AKR1D1: variants seen among roughly 807,000 people sequenced by gnomAD.
The protein encoded by AKR1D1 is delta(4)-3-ketosteroid 5-beta-reductase.
A neutral mutation model predicts 42.6 loss-of-function variants in AKR1D1; 32 were observed. The ratio of observed to expected loss-of-function variants is 0.75; its 90% confidence interval spans 0.57 to 1.01. The LOEUF is 1.01. Among genes scored for constraint, AKR1D1 ranks in the 50% least tolerant of loss-of-function variants. AKR1D1 has a pLI of 0.00. For synonymous variants in AKR1D1, 123 were observed against 135.5 expected, an observed-to-expected ratio of 0.91 and a Z score of 0.64; for missense variants, 364 against 402.2, an observed-to-expected ratio of 0.91 and a Z score of 0.81.
At chr7:138,106,829 T>C (rs1184070000) in intron 6 of AKR1D1, 112 bp downstream of exon 6, 1 of 792,918 alleles carries the variant, frequency 1.3e-6, no homozygotes, top group Non-Finnish European at 2.2e-6. Flanking sequence ...CTTCAAGTCA[T>C]TATCTGTATA....
intron 3 of AKR1D1, among the ~76,000 whole-genome samples, chr7:138,095,135 T>C (rs957416282): frequency 1.3e-5 from 2 of 152,170 alleles, no homozygotes; most frequent in Admixed American, 1.3e-4. Context: ...CCTAGAGGTA[T>C]CTAATGTGGG....
Position 138,076,510 on chromosome 7 carries a change from T to C in AKR1D1, c.-9T>C, listed in dbSNP as rs776453053. On this transcript the variant is annotated 5_prime_UTR_variant, in exon 1 of 9. Transcript: ENST00000242375. ...GTTCAGAATCACTCCTACAGTCAGG[T>C]TCTCCACAATGGATCTCAGTGCTGC... The C allele has an allele frequency of 6.2e-7, 1 of 1,611,814 alleles. No homozygotes were observed. The highest frequency in any genetic ancestry group is 1.1e-5 in the South Asian group (1 of 91,020).
At chr7:138,095,780 C>A (rs1331891340) in intron 3 of AKR1D1, among the ~76,000 whole-genome samples, 1 of 150,760 alleles carries the variant, frequency 6.6e-6, no homozygotes, top group African/African-American at 2.4e-5. Flanking sequence ...CCCACCTTGG[C>A]CTCCCAAAAT....
rs146490110 is a variant in AKR1D1 at position 138,117,410 on chromosome 7, C to G, written c.*748C>G. The G allele has an allele frequency of 3.3e-5, 5 of 152,532 alleles. No individual in the cohort carries two copies. Among genetic ancestry groups the G allele is most frequent in the South Asian group, 2.1e-4 (1 of 4,824 alleles). 9.4% of individuals were successfully genotyped at this position (152,532 alleles called of 1,614,324 possible). The stretch of plus-strand genomic sequence containing the variant: ...TACATTGATTATAGAACCACTATTA[C>G]GTGAAAAGGCTTGAAACAACCAACA... On this transcript the variant is annotated 3_prime_UTR_variant, in exon 9 of 9. Transcript: ENST00000242375.
Position 138,106,866 on chromosome 7 carries a change from C to G in AKR1D1, c.689+149C>G, listed in dbSNP as rs945366883. The stretch of plus-strand genomic sequence containing the variant: ...ATGAATTAGAACTTTTCATACTTTC[C>G]TGACTGAGCTGTTGTAAAATTGATT... On this transcript the variant is annotated intron_variant, in intron 6 of 8. Coordinates refer to ENST00000242375, the MANE Select transcript of AKR1D1 (RefSeq NM_005989.4). The G allele has an allele frequency of 4.2e-6, 3 of 708,456 alleles. No individual in the cohort carries two copies. The African/African-American group carries it at 5.3e-5, about 12-fold the overall frequency. The allele number at this position is 708,456 out of a possible 1,614,324, so 43.9% of individuals were successfully genotyped here.
At position 138,106,767 on chromosome 7, in the gene AKR1D1, A is replaced by G. The variant is rs1794443351; in HGVS notation, c.689+50A>G. The G allele has an allele frequency of 9.5e-6, 13 of 1,371,006 alleles. No homozygotes were observed. In the East Asian group the frequency reaches 2.5e-4, roughly 27 times the overall value. The allele number at this position is 1,371,006 out of a possible 1,614,324, so 84.9% of individuals were successfully genotyped here. On this transcript the variant is annotated intron_variant, in intron 6 of 8. Coordinates refer to ENST00000242375, the MANE Select transcript of AKR1D1 (RefSeq NM_005989.4). Reference sequence around the variant, plus strand: ...TCCTTTGGTGTAGAGTGTGAGGCTCATGTGAACTACTGTATTTGATTGGAA... The same window carrying G: ...TCCTTTGGTGTAGAGTGTGAGGCTCGTGTGAACTACTGTATTTGATTGGAA...
chr7:138,104,697 A>AT (rs1554392729), intron 4 of AKR1D1, among the ~76,000 whole-genome samples: 4 of 151,222 alleles, frequency 2.6e-5, no homozygotes, highest in Non-Finnish European at 3.0e-5. Flanking sequence ...AAAAAAAAAA[A>AT]AGTGCCCAGG....
chr7:138,105,535 A>G, intron 5 of AKR1D1, 106 bp downstream of exon 5: 2 of 1,496,786 alleles, frequency 1.3e-6, no homozygotes, highest in South Asian at 2.3e-5. Context: ...TGCTCCACCT[A>G]AATCTCATCA....
chr7:138,092,150 G>T (rs1427019883), intron 3 of AKR1D1, among the ~76,000 whole-genome samples: 2 of 152,206 alleles, frequency 1.3e-5, no homozygotes, highest in Non-Finnish European at 2.9e-5. Flanking sequence ...TACCCGAGAA[G>T]ATTATGTTAG....
At chr7:138,113,607 C>T in intron 7 of AKR1D1, 83 bp from the exon 8 acceptor site, 2 of 1,152,732 alleles carry the variant, frequency 1.7e-6, no homozygotes, top group South Asian at 1.3e-5. Context: ...ATTCATACAT[C>T]TTTGGAAGGC....
chr7:138,080,559 T>C (rs1044649880), intron 1 of AKR1D1, among the ~76,000 whole-genome samples: 2 of 152,230 alleles, frequency 1.3e-5, no homozygotes, highest in African/African-American at 4.8e-5. Context: ...CCATTTAATA[T>C]TTGGAATATG....
At chr7:138,088,031 C>T (rs1793973173) in intron 1 of AKR1D1, among the ~76,000 whole-genome samples, 2 of 152,090 alleles carry the variant, frequency 1.3e-5, no homozygotes, top group Middle Eastern at 3.4e-3. Flanking sequence ...ACTGGGACCA[C>T]AGGCGCATGC....
chr7:138,101,444 T>C (rs61300467), intron 4 of AKR1D1, among the ~76,000 whole-genome samples: 11,396 of 151,688 alleles, frequency 0.075, 1,478 homozygotes, highest in African/African-American at 0.26. Flanking sequence ...GTGATCAACA[T>C]GCCTTGGCCT....
chr7:138,107,048 A>T (rs1794448161), intron 6 of AKR1D1: 1 of 486,928 alleles, frequency 2.1e-6, no homozygotes, highest in Non-Finnish European at 3.7e-6. Flanking sequence ...TTCTACTATG[A>T]TGTGCTCCAT....
chr7:138,080,606 T>A (rs2117412222), intron 1 of AKR1D1, among the ~76,000 whole-genome samples: 1 of 152,350 alleles, frequency 6.6e-6, no homozygotes, highest in East Asian at 1.9e-4. Context: ...GAATTTCAAA[T>A]GTAACTGAGC....
chr7:138,094,649 G>A (rs1345925315), intron 3 of AKR1D1, among the ~76,000 whole-genome samples: 1 of 152,156 alleles, frequency 6.6e-6, no homozygotes, highest in African/African-American at 2.4e-5. Context: ...CCAAGTAGCT[G>A]AGACTACAGG....
At chr7:138,089,295 G>A (rs1452735846) in intron 2 of AKR1D1, among the ~76,000 whole-genome samples, 1 of 151,670 alleles carries the variant, frequency 6.6e-6, no homozygotes, top group Admixed American at 6.6e-5. Flanking sequence ...AAGCTGCAAT[G>A]AGTCATGTTC....
chr7:138,077,508 T>C (rs1802966607), intron 1 of AKR1D1, among the ~76,000 whole-genome samples: 1 of 152,060 alleles, frequency 6.6e-6, no homozygotes, highest in Non-Finnish European at 1.5e-5. Flanking sequence ...CAAGATAAGA[T>C]TTGGGAGGGG....
intron 1 of AKR1D1, among the ~76,000 whole-genome samples, chr7:138,078,782 G>GT (rs1802992790): frequency 6.6e-6 from 1 of 152,158 alleles, no homozygotes. Flanking sequence ...TCCTTCCTGA[G>GT]TGGCTCTGGT....
Sources: allele counts gnomAD v4.1 joint callset (sites outside exome capture counted in the v4.1 genomes callset), GRCh38; gene constraint gnomAD v4.1.1; transcripts MANE v1.5; gene names NCBI Gene and HGNC (gene_info 2026-07-23, HGNC 2026-07-21).